WHRN: variants seen among roughly 807,000 people sequenced by gnomAD.
WHRN encodes whirlin.
Under a neutral mutation model 68.3 loss-of-function variants are expected in WHRN, and 41 were observed. That is an observed-to-expected ratio of 0.60 (90% CI 0.47 to 0.78). WHRN has a LOEUF of 0.78. Ranked by LOEUF, WHRN falls within the 30% of genes least tolerant of loss-of-function variation. The probability of loss-of-function intolerance (pLI) is 0.00; values close to 1 mark genes in which losing one functional copy is unlikely to be tolerated. For missense variants in WHRN, 1,243 were observed against 1,244.7 expected (o/e 1.00, Z 0.02); for synonymous variants, 560 against 561.3 (o/e 1.00, Z 0.03).
intron 1 of WHRN, 114 bp downstream of exon 1, chr9:114,504,070 A>C: frequency 6.7e-7 from 1 of 1,490,212 alleles, no homozygotes; most frequent in Non-Finnish European, 9.0e-7. Context: ...AAAAAAAAAA[A>C]AAGCCCAGAA....
chr9:114,408,624 CCTCT>C (rs753816411), intron 7 of WHRN, among the ~76,000 whole-genome samples: 3 of 152,264 alleles, frequency 2.0e-5, no homozygotes, highest in Non-Finnish European at 4.4e-5. Flanking sequence ...CATCGGAGCT[CCTCT>C]CTGAGCTGGG....
chr9:114,470,586 C>T (rs1218553872), intron 2 of WHRN, among the ~76,000 whole-genome samples: 1 of 152,130 alleles, frequency 6.6e-6, no homozygotes, highest in Non-Finnish European at 1.5e-5. Context: ...AAGTGGTGGT[C>T]TTACGATGGT....
intron 1 of WHRN, among the ~76,000 whole-genome samples, chr9:114,485,015 A>G (rs1243164374): frequency 6.6e-6 from 1 of 152,200 alleles, no homozygotes; most frequent in Non-Finnish European, 1.5e-5. Flanking sequence ...AAAGGCAAGC[A>G]TGGGGTGGAC....
intron 3 of WHRN, among the ~76,000 whole-genome samples, chr9:114,430,233 G>A (rs1002739678): frequency 2.6e-5 from 4 of 152,182 alleles, no homozygotes; most frequent in South Asian, 2.1e-4. Context: ...TATGAGCATC[G>A]ACGTGGCCTT....
chr9:114,446,705 G>A (rs10982222), intron 3 of WHRN, among the ~76,000 whole-genome samples: 43,697 of 151,912 alleles, frequency 0.29, 6,591 homozygotes, highest in Admixed American at 0.39. Context: ...CTCTAGTGCA[G>A]AGCACCACTC....
rs541716785 is a variant in WHRN, at chr9:114,418,808, C to T, written c.1626+4506G>A. Among the ~76,000 whole-genome samples, 331 of 152,308 alleles carry T rather than the reference C, an allele frequency of 2.2e-3. 5 individuals carry two copies. The highest frequency in any genetic ancestry group is 6.5e-4 in the Admixed American group (10 of 15,304). On this transcript the variant is annotated intron_variant, in intron 7 of 11. Transcript: ENST00000362057. ...ACCACCCCACCCCTCTCCAGTCTCCCTTGCCTGCTTTATTTTTCTCCCTAG... is the reference window on the plus strand; with the variant it reads ...ACCACCCCACCCCTCTCCAGTCTCCTTTGCCTGCTTTATTTTTCTCCCTAG...
intron 1 of WHRN, among the ~76,000 whole-genome samples, chr9:114,502,844 T>C (rs529130082): frequency 1.3e-5 from 2 of 152,348 alleles, no homozygotes; most frequent in East Asian, 1.9e-4. Context: ...CCAAGGCTAA[T>C]GGACTACTTC....
intron 7 of WHRN, among the ~76,000 whole-genome samples, chr9:114,416,459 T>C (rs1477388610): frequency 6.6e-6 from 1 of 152,204 alleles, no homozygotes; most frequent in Non-Finnish European, 1.5e-5. Context: ...TGCGAGCAGA[T>C]TTCCCTTTTG....
intron 1 of WHRN, among the ~76,000 whole-genome samples, chr9:114,495,527 G>C (rs1427415684): frequency 6.6e-6 from 1 of 152,212 alleles, no homozygotes; most frequent in African/African-American, 2.4e-5. Context: ...AAGAGCGAGA[G>C]AAAGCACAAC....
At chr9:114,413,545 C>T (rs965004752) in intron 7 of WHRN, among the ~76,000 whole-genome samples, 22 of 152,072 alleles carry the variant, frequency 1.4e-4, no homozygotes, top group Admixed American at 2.0e-4. Flanking sequence ...CAGGTGGCGA[C>T]GGGGAATCAT....
chr9:114,467,508 C>T (rs1840819074), intron 2 of WHRN, among the ~76,000 whole-genome samples: 1 of 151,310 alleles, frequency 6.6e-6, no homozygotes, highest in South Asian at 2.1e-4. Flanking sequence ...GAGCGAGAGT[C>T]AGCCGGCGGG....
At chr9:114,403,059 G>C in intron 11 of WHRN, 123 bp from the exon 12 acceptor site, 1 of 1,531,856 alleles carries the variant, frequency 6.5e-7, no homozygotes. Context: ...CCACTTCTCG[G>C]ATTAGGAAAG....
intron 1 of WHRN, among the ~76,000 whole-genome samples, chr9:114,484,500 T>C (rs1261560266): frequency 6.6e-6 from 1 of 152,230 alleles, no homozygotes; most frequent in Non-Finnish European, 1.5e-5. Flanking sequence ...ACAATGCCTA[T>C]CACTGAGGAA....
chr9:114,461,473 T>G (rs534195456), intron 3 of WHRN, among the ~76,000 whole-genome samples: 1 of 152,366 alleles, frequency 6.6e-6, no homozygotes, highest in East Asian at 1.9e-4. Flanking sequence ...ACTGCAGATC[T>G]TGATCATCGT....
At chr9:114,488,341 G>A (rs1434455657) in intron 1 of WHRN, among the ~76,000 whole-genome samples, 2 of 152,152 alleles carry the variant, frequency 1.3e-5, no homozygotes, top group Non-Finnish European at 2.9e-5. Flanking sequence ...AAATTACAGC[G>A]ATGATGCCAC....
intron 1 of WHRN, chr9:114,503,745 C>T (rs1844138662): frequency 4.9e-6 from 1 of 205,972 alleles, no homozygotes; most frequent in Admixed American, 5.3e-5. Context: ...GTGGATCACA[C>T]AAACGGCCTC....
chr9:114,473,661 T>C (rs1175828380), intron 2 of WHRN, among the ~76,000 whole-genome samples: 4 of 152,238 alleles, frequency 2.6e-5, no homozygotes, highest in Non-Finnish European at 5.9e-5. Context: ...TCTATCACTC[T>C]GGATACTGGT....
chr9:114,484,600 T>C (rs2133209833), intron 1 of WHRN, among the ~76,000 whole-genome samples: 1 of 152,300 alleles, frequency 6.6e-6, no homozygotes, highest in South Asian at 2.1e-4. Context: ...TGTGTTCCCA[T>C]ACCTGTTATC....
chr9:114,447,098 T>G (rs1267531598), intron 3 of WHRN, among the ~76,000 whole-genome samples: 1 of 152,126 alleles, frequency 6.6e-6, no homozygotes, highest in Non-Finnish European at 1.5e-5. Flanking sequence ...GCAAAAATCA[T>G]GTGTTTTCTG....
Sources: allele counts gnomAD v4.1 joint callset (sites outside exome capture counted in the v4.1 genomes callset), GRCh38; gene constraint gnomAD v4.1.1; transcripts MANE v1.5; gene names NCBI Gene and HGNC (gene_info 2026-07-23, HGNC 2026-07-21).